Variants in MAGEA8 observed in about 807,000 individuals in gnomAD.
MAGEA8 encodes the protein melanoma-associated antigen 8.
For synonymous variants in MAGEA8, 104 were observed against 102.6 expected (o/e 1.01, Z -0.08); for missense variants, 229 against 251.1 (o/e 0.91, Z 0.59).
In MAGEA8 at chrX:149,884,873, AAG is replaced by A; in HGVS notation, c.603_604del (p.Lys201AsnfsTer34). The A allele has an allele frequency of 8.3e-7, 1 of 1,210,843 alleles. No homozygotes were observed. The highest frequency in any genetic ancestry group is 1.1e-6 in the Non-Finnish European group (1 of 895,147). ...GCTGGGTGATGATCAGAGTACGCCC[AAG>A]ACCGGCCTCCTGATAATCGTCCTGG... ...GLLGDDQSTP[K>X]TGLLIIVLGM... On this transcript the variant is annotated frameshift_variant, in exon 3 of 3. Coordinates refer to ENST00000286482, the MANE Select transcript of MAGEA8 (RefSeq NM_005364.5). LOFTEE classifies it low-confidence loss of function (END_TRUNC).
rs202095571 is a variant in MAGEA8 at position 149,884,459 on chromosome X, C to T, written c.187C>T (p.Gln63Ter). 1.4e-5 allele frequency: 17 copies of T among 1,209,677 alleles called. No homozygotes were observed. The highest frequency in any genetic ancestry group is 1.7e-5 in the African/African-American group (1 of 57,182). ...VTDSGSPSPP[Q>*]SPEGASSSLT... ...TGATTCTGGGTCACCAAGTCCTCCC[C>T]AGAGTCCTGAGGGTGCCTCCTCTTC... Residue 63 changes from glutamine (Q) to a stop codon, truncating the protein, a stop_gained, in exon 3 of 3, where the codon CAG (glutamine) becomes TAG (stop). Coordinates refer to ENST00000286482, the MANE Select transcript of MAGEA8 (RefSeq NM_005364.5). LOFTEE classifies it low-confidence loss of function (END_TRUNC).
At position 149,885,084 on chromosome X, in the gene MAGEA8, G is replaced by A. The variant is rs1557371047; in HGVS notation, c.812G>A (p.Arg271His). 8 of 1,210,018 alleles carry A rather than the reference G, an allele frequency of 6.6e-6. No individual in the cohort carries two copies. Among genetic ancestry groups the A allele is most frequent in the East Asian group, 3.0e-5 (1 of 33,772 alleles). Residue 271 changes from arginine (R) to histidine (H), a missense_variant, in exon 3 of 3, where the codon CGC (arginine) becomes CAC (histidine). Physicochemically the swap from Arg to His is conservative, Grantham distance 29 (BLOSUM62 0). Coordinates refer to ENST00000286482, the MANE Select transcript of MAGEA8 (RefSeq NM_005364.5). ...CAGGCGCCCGGCAGTGATCCTGTGC[G>A]CTACGAGTTCCTGTGGGGTCCAAGG... The part of the protein sequence containing the change: ...YRQAPGSDPV[R>H]YEFLWGPRAL...
Position 149,885,636 on chromosome X carries a change from C to T in MAGEA8, c.*407C>T, listed in dbSNP as rs1302440699. The T allele has an allele frequency of 1.1e-5, 3 of 263,516 alleles. No individual in the cohort carries two copies. Among genetic ancestry groups the T allele is most frequent in the East Asian group, 6.1e-5 (1 of 16,408 alleles). The allele number at this position is 263,516 out of a possible 1,213,427, so 21.7% of individuals were successfully genotyped here. A position where few individuals can be genotyped will look rare whatever the true frequency, so the allele number is the denominator to read the frequency against. The stretch of plus-strand genomic sequence containing the variant: ...CCATGTTATTTCTTGAATTCAGACA[C>T]TACAAGAGCAGAGGATTAAGGTTTT... On this transcript the variant is annotated 3_prime_UTR_variant, in exon 3 of 3. Transcript: ENST00000286482.
In MAGEA8 at chrX:149,884,777, G is replaced by A. The variant is rs2090751687; in HGVS notation, c.505G>A (p.Val169Met). The A allele has an allele frequency of 2.5e-6, 3 of 1,209,711 alleles. No individual in the cohort carries two copies. The African/African-American group carries it at 5.2e-5, about 21-fold the overall frequency. Reference sequence around the variant, plus strand: ...CATGCAGGTGATCTTTGGCATTGATGTGAAGGAAGTGGACCCTGCCGGCCA... The same window carrying A: ...CATGCAGGTGATCTTTGGCATTGATATGAAGGAAGTGGACCCTGCCGGCCA... ...ECMQVIFGID[V>M]KEVDPAGHSY... Residue 169 changes from valine to methionine, a missense_variant, in exon 3 of 3, where the codon GTG (valine) becomes ATG (methionine). Coordinates refer to ENST00000286482, the MANE Select transcript of MAGEA8 (RefSeq NM_005364.5).
chrX:149,884,453 C>T lies in MAGEA8; in HGVS notation c.181C>T (p.Pro61Ser). Residue 61 changes from proline to serine, a missense_variant, in exon 3 of 3, where the codon CCT (proline) becomes TCT (serine). Transcript: ENST00000286482. ...EEVTDSGSPSPPQSPEGASSS... is the reference protein window; with the variant it reads ...EEVTDSGSPSSPQSPEGASSS... ...GGTGACTGATTCTGGGTCACCAAGT[C>T]CTCCCCAGAGTCCTGAGGGTGCCTC... The T allele has an allele frequency of 8.3e-7, 1 of 1,211,225 alleles. No individual in the cohort carries two copies. Among genetic ancestry groups the T allele is most frequent in the Non-Finnish European group, 1.1e-6 (1 of 895,168 alleles).
In MAGEA8 at chrX:149,885,086, T is replaced by C. The variant is rs2090754980; in HGVS notation, c.814T>C (p.Tyr272His). ...GGCGCCCGGCAGTGATCCTGTGCGC[T>C]ACGAGTTCCTGTGGGGTCCAAGGGC... ...RQAPGSDPVRYEFLWGPRALA... is the reference protein window; with the variant it reads ...RQAPGSDPVRHEFLWGPRALA... Residue 272 changes from tyrosine to histidine, a missense_variant, in exon 3 of 3, where the codon TAC becomes CAC. Transcript: ENST00000286482. The C allele has an allele frequency of 3.3e-6, 4 of 1,211,795 alleles. No individual in the cohort carries two copies. The highest frequency in any genetic ancestry group is 4.5e-6 in the Non-Finnish European group (4 of 895,338).
rs373530302 is a variant in MAGEA8 at position 149,884,336 on chromosome X, G to C, written c.64G>C (p.Ala22Pro). The C allele has an allele frequency of 8.3e-6, 10 of 1,207,002 alleles. No individual in the cohort carries two copies. The African/African-American group carries it at 1.4e-4, about 17-fold the overall frequency. The change falls in exon 3 of 3, where the codon GCA becomes CCA. Residue 22 changes from alanine (A) to proline (P), a missense_variant. Transcript: ENST00000286482. ...GGAAGGCCTTCAGGCCCAAGGAGAG[G>C]CACCAGGGCTTATGGATGTGCAGAT... The part of the protein sequence containing the change: ...AEEGLQAQGE[A>P]PGLMDVQIPT...
chrX:149,885,189 C>T lies in MAGEA8; in HGVS notation c.917C>T (p.Ser306Phe), dbSNP rs12010332. The stretch of plus-strand genomic sequence containing the variant: ...GCAAGAGTTCGCATTTCCTACCCAT[C>T]CCTGCATGAAGAGGCTTTGGGAGAG... ...VNARVRISYP[S>F]LHEEALGEEK... The change falls in exon 3 of 3, where the codon TCC (serine) becomes TTC (phenylalanine). Residue 306 changes from serine (S) to phenylalanine (F), a missense_variant. Ser to Phe is a radical substitution (Grantham distance 155). Coordinates refer to ENST00000286482, the MANE Select transcript of MAGEA8 (RefSeq NM_005364.5). The T allele has an allele frequency of 8.6e-3, 10,275 of 1,201,581 alleles. 454 individuals are homozygous for T. The African/African-American group carries it at 0.15, about 18-fold the overall frequency.
intron 1 of MAGEA8, among the ~76,000 whole-genome samples, chrX:149,882,591 G>A (rs1438963763): frequency 9.0e-6 from 1 of 111,061 alleles, no homozygotes; most frequent in African/African-American, 3.3e-5. Context: ...TGGAAAGAAG[G>A]GACCCCACAA....
intron 1 of MAGEA8, among the ~76,000 whole-genome samples, chrX:149,883,608 A>T (rs2090743445): frequency 9.0e-6 from 1 of 111,682 alleles, no homozygotes; most frequent in South Asian, 3.8e-4. Flanking sequence ...TATCAGGGAT[A>T]TAAACTCTTG....
At chrX:149,884,026 T>C (rs41304954) in intron 1 of MAGEA8, 47 bp from the exon 2 acceptor site, 5 of 367,160 alleles carry the variant, frequency 1.4e-5, no homozygotes, top group Non-Finnish European at 2.3e-5. Flanking sequence ...GCCTTGGCCT[T>C]TGCCAGGAGG....
intron 1 of MAGEA8, among the ~76,000 whole-genome samples, chrX:149,881,634 ATGGCGGCCGGGCATGGCG>A (rs2090729728): frequency 5.1e-4 from 54 of 105,251 alleles, no homozygotes; most frequent in African/African-American, 1.7e-3. Context: ...GCGGCCGGGC[ATGGCGGCCGGGCATGGCG>A]GCCGGGCATG....
Position 149,885,226 on chromosome X carries a change from T to C in MAGEA8, c.954T>C (p.Val318=). The part of the protein sequence containing the change: ...HEEALGEEKG[V] Reference sequence around the variant, plus strand: ...AGGCTTTGGGAGAGGAGAAAGGAGTTTGAGCAGGAGTTGCAGCTAGGGCCA... The same window carrying C: ...AGGCTTTGGGAGAGGAGAAAGGAGTCTGAGCAGGAGTTGCAGCTAGGGCCA... Residue 318 remains valine (V), a synonymous_variant, in exon 3 of 3, where the codon GTT becomes GTC. Coordinates refer to ENST00000286482, the MANE Select transcript of MAGEA8 (RefSeq NM_005364.5). 2 of 1,182,691 alleles carry C rather than the reference T, an allele frequency of 1.7e-6. No homozygotes were observed. Among genetic ancestry groups the C allele is most frequent in the Admixed American group, 4.6e-5 (2 of 43,612 alleles).
chrX:149,881,924 GAGA>G (rs782631669), intron 1 of MAGEA8, among the ~76,000 whole-genome samples: 138 of 110,295 alleles, frequency 1.3e-3, no homozygotes, highest in African/African-American at 4.2e-3. Context: ...AGGAGTCAAG[GAGA>G]AGAAGAAGAG....
chrX:149,885,318 C>T lies in MAGEA8; in HGVS notation c.*89C>T, dbSNP rs2090756854. On this transcript the variant is annotated 3_prime_UTR_variant, in exon 3 of 3. Coordinates refer to ENST00000286482, the MANE Select transcript of MAGEA8 (RefSeq NM_005364.5). ...AGGGCCACATCCACCACTTTCCCTGCTCTGTTACATGAGGCCCATTCTTCA... is the reference window on the plus strand; with the variant it reads ...AGGGCCACATCCACCACTTTCCCTGTTCTGTTACATGAGGCCCATTCTTCA... 1.5e-6 allele frequency: 1 copy of T among 676,892 alleles called. No individual in the cohort carries two copies. Among genetic ancestry groups the T allele is most frequent in the African/African-American group, 2.2e-5 (1 of 46,007 alleles). 55.8% of individuals were successfully genotyped at this position (676,892 alleles called of 1,213,427 possible). A position where few individuals can be genotyped will look rare whatever the true frequency, so the allele number is the denominator to read the frequency against.
Position 149,884,472 on chromosome X carries a change from G to A in MAGEA8, c.200G>A (p.Gly67Asp), listed in dbSNP as rs781996822. 60 of 1,209,583 alleles carry A rather than the reference G, an allele frequency of 5.0e-5. 1 individual carries two copies. The South Asian group carries it at 8.6e-4, about 17-fold the overall frequency. Residue 67 changes from glycine to aspartate, a missense_variant, in exon 3 of 3, where the codon GGT becomes GAT. Coordinates refer to ENST00000286482, the MANE Select transcript of MAGEA8 (RefSeq NM_005364.5). ...CCAAGTCCTCCCCAGAGTCCTGAGG[G>A]TGCCTCCTCTTCCCTGACTGTCACC... is the stretch of plus-strand genomic sequence containing the variant. Reference protein sequence around the residue: ...GSPSPPQSPEGASSSLTVTDS... With the variant: ...GSPSPPQSPEDASSSLTVTDS...
At position 149,884,924 on chromosome X, in the gene MAGEA8, C is replaced by G. The variant is rs146661916; in HGVS notation, c.652C>G (p.Arg218Gly). ...VLGMILMEGS[R>G]APEEAIWEAL... The stretch of plus-strand genomic sequence containing the variant: ...GGGCATGATCTTAATGGAGGGCAGC[C>G]GCGCCCCGGAGGAGGCAATCTGGGA... Residue 218 changes from arginine (R) to glycine (G), a missense_variant, in exon 3 of 3, where the codon CGC becomes GGC. Physicochemically the swap from Arg to Gly is moderately radical, Grantham distance 125. Coordinates refer to ENST00000286482, the MANE Select transcript of MAGEA8 (RefSeq NM_005364.5). 8.3e-7 allele frequency: 1 copy of G among 1,210,986 alleles called. No individual in the cohort carries two copies. The highest frequency in any genetic ancestry group is 1.8e-5 in the South Asian group (1 of 56,888).
At chrX:149,883,616 T>C (rs1405008475) in intron 1 of MAGEA8, among the ~76,000 whole-genome samples, 2 of 110,743 alleles carry the variant, frequency 1.8e-5, no homozygotes, top group Admixed American at 1.9e-4. Flanking sequence ...ATATAAACTC[T>C]TGATCTGAAA....
chrX:149,884,421 T>C lies in MAGEA8; in HGVS notation c.149T>C (p.Leu50Pro), dbSNP rs891200719. 1 of 1,209,660 alleles carries C rather than the reference T, an allele frequency of 8.3e-7. No homozygotes were observed. Among genetic ancestry groups the C allele is most frequent in the African/African-American group, 1.7e-5 (1 of 57,268 alleles). The change falls in exon 3 of 3, where the codon CTT becomes CCT. Residue 50 changes from leucine to proline, a missense_variant. Physicochemically the swap from Leu to Pro is moderately conservative, Grantham distance 98. Coordinates refer to ENST00000286482, the MANE Select transcript of MAGEA8 (RefSeq NM_005364.5). Reference sequence around the variant, plus strand: ...TCCTCTACTCTGATCATGGGAACCCTTGAGGAGGTGACTGATTCTGGGTCA... The same window carrying C: ...TCCTCTACTCTGATCATGGGAACCCCTGAGGAGGTGACTGATTCTGGGTCA... ...SSSSTLIMGTLEEVTDSGSPS... is the reference protein window; with the variant it reads ...SSSSTLIMGTPEEVTDSGSPS...
Sources: gnomAD v4.1 joint callset for allele counts (sites outside exome capture counted in the v4.1 genomes callset) on GRCh38, gnomAD v4.1.1 for gene constraint, MANE v1.5 for transcripts, NCBI Gene and HGNC (gene_info 2026-07-23, HGNC 2026-07-21) for gene names.